AOPEP: variants seen among roughly 807,000 people sequenced by gnomAD.
AOPEP encodes the protein aminopeptidase O.
In AOPEP, 77 loss-of-function variants were observed where a neutral mutation model predicts 98.1. That is an observed-to-expected ratio of 0.78 (90% CI 0.65 to 0.95). The LOEUF (loss-of-function observed/expected upper bound fraction) is 0.95. AOPEP is among the 40% of genes least tolerant of loss of function. The pLI is 0.00. For missense variants in AOPEP, 1,024 were observed against 1,024.7 expected, an observed-to-expected ratio of 1.00 and a Z score of 0.01; for synonymous variants, 346 against 365.3, an observed-to-expected ratio of 0.95 and a Z score of 0.60.
chr9:94,756,441 A>G (rs1392369750), intron 1 of AOPEP, among the ~76,000 whole-genome samples: 2 of 148,148 alleles, frequency 1.3e-5, no homozygotes, highest in African/African-American at 5.0e-5. Context: ...GCATGCACCT[A>G]TGGTCCCAGC....
intron 1 of AOPEP, among the ~76,000 whole-genome samples, chr9:94,747,936 T>A (rs541652567): frequency 9.9e-4 from 151 of 152,248 alleles, no homozygotes; most frequent in Admixed American, 2.3e-3. Context: ...ATATTTATTT[T>A]GAAATAGAAT....
intron 5 of AOPEP, among the ~76,000 whole-genome samples, chr9:94,846,265 G>T (rs902662141): frequency 2.0e-5 from 3 of 152,192 alleles, no homozygotes; most frequent in Non-Finnish European, 4.4e-5. Context: ...AAGAAGATCA[G>T]TGGTGTGCGG....
downstream of AOPEP, among the ~76,000 whole-genome samples, chr9:95,088,267 T>C (rs1435893195): frequency 6.6e-6 from 1 of 152,008 alleles, no homozygotes; most frequent in Non-Finnish European, 1.5e-5. Context: ...TGGAATGCAA[T>C]GGCACGATCT....
the AOPEP span, chr9:95,110,971 T>C: frequency 7.1e-7 from 1 of 1,408,812 alleles, no homozygotes; most frequent in East Asian, 2.6e-5. Context: ...ATTACTTTAG[T>C]AAGAGATGTA....
intron 7 of AOPEP, among the ~76,000 whole-genome samples, chr9:94,941,476 T>TA (rs1275572570): frequency 1.3e-5 from 2 of 152,232 alleles, no homozygotes; most frequent in African/African-American, 4.8e-5. Context: ...GGGAGGATGC[T>TA]ATACCTATGC....
chr9:95,010,367 G>T (rs970722187), intron 13 of AOPEP, among the ~76,000 whole-genome samples: 1 of 152,150 alleles, frequency 6.6e-6, no homozygotes, highest in Non-Finnish European at 1.5e-5. Flanking sequence ...TGGTGACTGT[G>T]GTAGGCTTGA....
chr9:94,960,810 A>C (rs1014250549), intron 9 of AOPEP, among the ~76,000 whole-genome samples: 10 of 152,072 alleles, frequency 6.6e-5, no homozygotes, highest in Non-Finnish European at 1.3e-4. Context: ...CAGGAGATCG[A>C]GACCATCTTG....
chr9:94,907,774 G>A (rs2051385857), intron 5 of AOPEP, among the ~76,000 whole-genome samples: 1 of 152,170 alleles, frequency 6.6e-6, no homozygotes, highest in Admixed American at 6.5e-5. Flanking sequence ...CCAAGGTGCA[G>A]GCAGCTAGCT....
the AOPEP span, among the ~76,000 whole-genome samples, chr9:95,105,153 T>C: frequency 3.3e-4 from 50 of 152,346 alleles, no homozygotes; most frequent in African/African-American, 1.1e-3. Flanking sequence ...TCGTCTTAGC[T>C]GAGACACCAG....
intron 14 of AOPEP, among the ~76,000 whole-genome samples, chr9:95,062,903 A>C (rs952708439): frequency 2.0e-5 from 3 of 152,214 alleles, no homozygotes; most frequent in African/African-American, 7.2e-5. Context: ...ATGTGAAAGG[A>C]AAAGTGCTCA....
chr9:95,144,369 C>A, the AOPEP span, among the ~76,000 whole-genome samples: 1 of 152,188 alleles, frequency 6.6e-6, no homozygotes, highest in East Asian at 1.9e-4. Flanking sequence ...ACTTTCCAAA[C>A]CAAATAAATT....
chr9:94,853,167 T>G (rs1040434088), intron 5 of AOPEP, among the ~76,000 whole-genome samples: 1 of 152,122 alleles, frequency 6.6e-6, no homozygotes, highest in Non-Finnish European at 1.5e-5. Flanking sequence ...AAATTAGATT[T>G]TATTGAACAA....
At chr9:94,775,685 A>G (rs1841929370) in intron 3 of AOPEP, among the ~76,000 whole-genome samples, 1 of 151,610 alleles carries the variant, frequency 6.6e-6, no homozygotes, top group African/African-American at 2.4e-5. Flanking sequence ...CTTAAAAACA[A>G]CACATTTAGG....
intron 7 of AOPEP, among the ~76,000 whole-genome samples, chr9:94,937,820 A>T (rs985646206): frequency 1.3e-5 from 2 of 151,998 alleles, no homozygotes; most frequent in African/African-American, 4.8e-5. Flanking sequence ...CATTCTTTTT[A>T]TGTTTACCAC....
chr9:95,078,085 C>T (rs2069285463), intron 14 of AOPEP, among the ~76,000 whole-genome samples: 1 of 151,980 alleles, frequency 6.6e-6, no homozygotes, highest in Non-Finnish European at 1.5e-5. Context: ...CTTGGTCTGT[C>T]CTTCCTGGAT....
In AOPEP at chr9:94,926,801, G is replaced by A. The variant is rs79668573; in HGVS notation, c.1555-1624G>A. Among the ~76,000 whole-genome samples the A allele has an allele frequency of 6.8e-3, 1,023 of 151,328 alleles. 10 individuals carry two copies. Among genetic ancestry groups the A allele is most frequent in the African/African-American group, 0.024 (974 of 41,246 alleles). On this transcript the variant is annotated intron_variant, in intron 6 of 16. Coordinates refer to ENST00000375315, the MANE Select transcript of AOPEP (RefSeq NM_001193329.3). Reference sequence around the variant, plus strand: ...GAGCAGTAGAAAGCATGGTGGGGCCGGGGGTGGGTTGCGGGGGACATGTGA... The same window carrying A: ...GAGCAGTAGAAAGCATGGTGGGGCCAGGGGTGGGTTGCGGGGGACATGTGA...
At chr9:95,150,090 A>G in the AOPEP span, 4 of 1,613,966 alleles carry the variant, frequency 2.5e-6, no homozygotes, top group Admixed American at 5.0e-5. Context: ...GAGCCATTCT[A>G]TGGAAGAAAT....
chr9:94,799,443 G>A (rs535960810), intron 4 of AOPEP, among the ~76,000 whole-genome samples: 39 of 151,598 alleles, frequency 2.6e-4, no homozygotes, highest in African/African-American at 9.2e-4. Flanking sequence ...ATGGCAACAT[G>A]CCTGTAGTCC....
chr9:94,821,067 ACT>A (rs1374152301), intron 5 of AOPEP, among the ~76,000 whole-genome samples: 2 of 152,186 alleles, frequency 1.3e-5, no homozygotes, highest in Admixed American at 6.5e-5. Flanking sequence ...TTAAAGAGAA[ACT>A]CTGTTGAAAA....
Sources: allele counts gnomAD v4.1 joint callset (sites outside exome capture counted in the v4.1 genomes callset), GRCh38; gene constraint gnomAD v4.1.1; transcripts MANE v1.5; gene names NCBI Gene and HGNC (gene_info 2026-07-23, HGNC 2026-07-21).